The following KCNH8 variants were observed in gnomAD, a reference collection of about 807,000 sequenced individuals.
KCNH8 encodes the protein voltage-gated delayed rectifier potassium channel KCNH8.
In KCNH8, 70 loss-of-function variants were observed where a neutral mutation model predicts 103.6. That is an observed-to-expected ratio of 0.68 (90% CI 0.56 to 0.82). The LOEUF (loss-of-function observed/expected upper bound fraction) is 0.82, where lower values mean the gene tolerates loss of function less well. Ranked by LOEUF, KCNH8 falls within the 40% of genes least tolerant of loss-of-function variation. KCNH8 has a pLI of 0.00. For synonymous variants in KCNH8, 498 were observed against 489.4 expected, an observed-to-expected ratio of 1.02 and a Z score of -0.23; for missense variants, 1,217 against 1,329.9, an observed-to-expected ratio of 0.92 and a Z score of 1.32.
At chr3:19,507,426 C>T (rs947776038) in intron 11 of KCNH8, among the ~76,000 whole-genome samples, 2 of 152,140 alleles carry the variant, frequency 1.3e-5, no homozygotes, top group Non-Finnish European at 2.9e-5. Context: ...GGCCTGGGCT[C>T]ACAGGGAAGA....
rs562190424 is a variant in KCNH8, at chr3:19,189,814, A to C, written c.76+41019A>C. Among the ~76,000 whole-genome samples the C allele has an allele frequency of 8.5e-5, 13 of 152,152 alleles. No homozygotes were observed. In the East Asian group the frequency reaches 1.2e-3, roughly 14 times the overall value. On this transcript the variant is annotated intron_variant, in intron 1 of 15. Coordinates refer to ENST00000328405, the MANE Select transcript of KCNH8 (RefSeq NM_144633.3). Reference sequence around the variant, plus strand: ...AATGTGTGCAAACTGAAAACAGCCCAAAACAATTCCATCACATATCAGTTG... The same window carrying C: ...AATGTGTGCAAACTGAAAACAGCCCCAAACAATTCCATCACATATCAGTTG...
Position 19,513,009 on chromosome 3 carries a change from C to T in KCNH8, c.2119C>T (p.Pro707Ser), listed in dbSNP as rs747522897. 6.2e-7 allele frequency: 1 copy of T among 1,613,454 alleles called. No individual in the cohort carries two copies. The highest frequency in any genetic ancestry group is 1.3e-5 in the African/African-American group (1 of 74,838). The change falls in exon 13 of 16, where the codon CCA becomes TCA. Residue 707 changes from proline to serine, a missense_variant. Pro to Ser is a moderately conservative substitution (Grantham distance 74). Transcript: ENST00000328405. ...KGNGNINKRL[P>S]SIVEDEEEEE... The stretch of plus-strand genomic sequence containing the variant: ...AAATGGCAACATCAACAAGCGACTC[C>T]CATCCATTGTGGAAGATGAGGAAGA...
intron 1 of KCNH8, among the ~76,000 whole-genome samples, chr3:19,150,078 A>G (rs1388068275): frequency 6.6e-6 from 1 of 152,190 alleles, no homozygotes; most frequent in African/African-American, 2.4e-5. Context: ...TGGTCACTTC[A>G]TAAGTGTTTT....
chr3:19,498,032 CTGTTT>C (rs1252303211), intron 11 of KCNH8, among the ~76,000 whole-genome samples: 1 of 152,152 alleles, frequency 6.6e-6, no homozygotes, highest in African/African-American at 2.4e-5. Flanking sequence ...GGTTTAAAGT[CTGTTT>C]TGTCTGAAAT....
At chr3:19,313,048 G>A (rs2065226539) in intron 3 of KCNH8, among the ~76,000 whole-genome samples, 1 of 151,888 alleles carries the variant, frequency 6.6e-6, no homozygotes, top group Non-Finnish European at 1.5e-5. Context: ...GGATGTCTTG[G>A]CCTGTGAGTT....
Position 19,419,323 on chromosome 3 carries a change from C to T in KCNH8, c.1178-18841C>T, listed in dbSNP as rs1387356876. 3.3e-5 allele frequency among the ~76,000 whole-genome samples: 5 copies of T among 151,418 alleles called. No individual in the cohort carries two copies. The East Asian group carries it at 7.8e-4, about 24-fold the overall frequency. ...CACGCCATTCTCCTGCCTCAGCCTC[C>T]CGAGTAGCTGGGACTACAGGCGCCC... On this transcript the variant is annotated intron_variant, in intron 7 of 15. Coordinates refer to ENST00000328405, the MANE Select transcript of KCNH8 (RefSeq NM_144633.3).
chr3:19,443,393 C>CATAT (rs1303985434), intron 8 of KCNH8, among the ~76,000 whole-genome samples: 1 of 149,700 alleles, frequency 6.7e-6, no homozygotes, highest in African/African-American at 2.4e-5. Flanking sequence ...TATAAATATA[C>CATAT]ATATATACAC....
At chr3:19,414,570 T>TA (rs2066834041) in intron 7 of KCNH8, among the ~76,000 whole-genome samples, 1 of 151,970 alleles carries the variant, frequency 6.6e-6, no homozygotes, top group Non-Finnish European at 1.5e-5. Flanking sequence ...TTATTTGGGA[T>TA]AAAAAAGGAA....
At chr3:19,351,611 C>G (rs1377574838) in intron 5 of KCNH8, among the ~76,000 whole-genome samples, 1 of 152,136 alleles carries the variant, frequency 6.6e-6, no homozygotes, top group Non-Finnish European at 1.5e-5. Context: ...ATTTTCAACC[C>G]AGAATTTTAT....
chr3:19,256,822 G>T (rs919747673), intron 2 of KCNH8, among the ~76,000 whole-genome samples: 2 of 152,038 alleles, frequency 1.3e-5, no homozygotes, highest in Non-Finnish European at 2.9e-5. Context: ...CTTTAAGTTA[G>T]TCGCCATGGG....
intron 5 of KCNH8, among the ~76,000 whole-genome samples, chr3:19,375,562 T>A (rs1489258837): frequency 1.3e-5 from 2 of 150,980 alleles, no homozygotes; most frequent in African/African-American, 4.9e-5. Context: ...TGTCCTCCCG[T>A]AGCTCAGAGT....
At chr3:19,444,971 C>T (rs897284157) in intron 8 of KCNH8, among the ~76,000 whole-genome samples, 3 of 152,010 alleles carry the variant, frequency 2.0e-5, no homozygotes, top group South Asian at 2.1e-4. Context: ...TCAACAATTC[C>T]ACTTCTGAAT....
At chr3:19,422,533 G>A (rs1244253430) in intron 7 of KCNH8, among the ~76,000 whole-genome samples, 1 of 152,106 alleles carries the variant, frequency 6.6e-6, no homozygotes, top group East Asian at 1.9e-4. Context: ...CTGAAACTTA[G>A]AGAGTTAGCT....
chr3:19,459,474 A>G (rs1329366304), intron 11 of KCNH8, among the ~76,000 whole-genome samples: 1 of 151,814 alleles, frequency 6.6e-6, no homozygotes, highest in Non-Finnish European at 1.5e-5. Flanking sequence ...GTTGTTACTG[A>G]GTTGAGTTTA....
intron 11 of KCNH8, among the ~76,000 whole-genome samples, chr3:19,503,923 T>TATAATA (rs540752455): frequency 3.3e-4 from 50 of 150,692 alleles, no homozygotes; most frequent in Non-Finnish European, 5.0e-4. Flanking sequence ...AAACTTAAAG[T>TATAATA]ATAATAATAA....
chr3:19,404,318 G>T (rs1227587203), intron 7 of KCNH8, among the ~76,000 whole-genome samples: 1 of 151,826 alleles, frequency 6.6e-6, no homozygotes, highest in African/African-American at 2.4e-5. Flanking sequence ...GTCTCATTTT[G>T]GTTTCTCAGC....
intron 5 of KCNH8, among the ~76,000 whole-genome samples, chr3:19,363,235 C>G (rs1247174144): frequency 1.3e-5 from 2 of 152,142 alleles, no homozygotes; most frequent in African/African-American, 4.8e-5. Context: ...CTGCAGTACT[C>G]TAGGGACTGA....
intron 8 of KCNH8, among the ~76,000 whole-genome samples, chr3:19,444,496 A>G (rs1304533201): frequency 6.6e-6 from 1 of 152,032 alleles, no homozygotes; most frequent in African/African-American, 2.4e-5. Flanking sequence ...AAGGAAAAGA[A>G]TGATAAATTG....
At chr3:19,431,670 A>G (rs562357606) in intron 7 of KCNH8, among the ~76,000 whole-genome samples, 153 of 152,184 alleles carry the variant, frequency 1.0e-3, no homozygotes, top group African/African-American at 3.5e-3. Context: ...TGCTGCCTCA[A>G]TTTCAAAGCC....
Sources: gnomAD v4.1 joint callset for allele counts (sites outside exome capture counted in the v4.1 genomes callset) on GRCh38, gnomAD v4.1.1 for gene constraint, MANE v1.5 for transcripts, NCBI Gene and HGNC (gene_info 2026-07-23, HGNC 2026-07-21) for gene names.